Variants in THADA observed in about 807,000 individuals in gnomAD.
THADA encodes tRNA (32-2'-O)-methyltransferase regulator THADA.
A neutral mutation model predicts 219.8 loss-of-function variants in THADA; 213 were observed. The ratio of observed to expected loss-of-function variants is 0.97; its 90% CI spans 0.87 to 1.09. The LOEUF (loss-of-function observed/expected upper bound fraction) is 1.09. THADA is among the 50% of genes least tolerant of loss of function. THADA has a pLI of 0.00. For synonymous variants in THADA, 1,018 were observed against 828.9 expected, an observed-to-expected ratio of 1.23 and a Z score of -3.92; for missense variants, 2,956 against 2,311.3, an observed-to-expected ratio of 1.28 and a Z score of -5.72.
intron 26 of THADA, among the ~76,000 whole-genome samples, chr2:43,443,807 CT>C (rs1558769868): frequency 2.0e-5 from 3 of 152,232 alleles, no homozygotes; most frequent in African/African-American, 7.2e-5. Flanking sequence ...GCAGGCACAA[CT>C]GATGAGAGGC....
At chr2:43,564,334 G>A (rs1332573271) in intron 15 of THADA, 1 of 152,190 alleles carries the variant, frequency 6.6e-6, no homozygotes, top group Non-Finnish European at 1.5e-5. Context: ...GGTGTCAGTA[G>A]GGCCATGCAC....
intron 29 of THADA, among the ~76,000 whole-genome samples, chr2:43,357,138 C>T (rs1668955616): frequency 6.6e-6 from 1 of 152,138 alleles, no homozygotes; most frequent in Non-Finnish European, 1.5e-5. Flanking sequence ...TAGCAAAGAA[C>T]ATAAACAAAC....
chr2:43,366,529 TG>T (rs1405123220), intron 29 of THADA, among the ~76,000 whole-genome samples: 1 of 151,914 alleles, frequency 6.6e-6, no homozygotes, highest in Non-Finnish European at 1.5e-5. Flanking sequence ...GATATGAAGG[TG>T]GGGAAGAGAG....
intron 22 of THADA, among the ~76,000 whole-genome samples, chr2:43,514,868 TTATGTATAA>T (rs1195086470): frequency 2.4e-5 from 2 of 83,392 alleles, no homozygotes; most frequent in Non-Finnish European, 4.0e-5. Context: ...AATATATATT[TTATGTATAA>T]TATGTATAAT....
chr2:43,352,075 AAC>A (rs1381843894), intron 29 of THADA, among the ~76,000 whole-genome samples: 2 of 152,268 alleles, frequency 1.3e-5, no homozygotes, highest in Non-Finnish European at 2.9e-5. Context: ...CTAATTTTAG[AAC>A]ACAGATACAT....
chr2:43,455,428 C>A (rs1445342004), intron 26 of THADA, among the ~76,000 whole-genome samples: 1 of 152,008 alleles, frequency 6.6e-6, no homozygotes, highest in Non-Finnish European at 1.5e-5. Flanking sequence ...TAGGTGGCAG[C>A]TGTTTCTTGG....
At chr2:43,325,739 C>T (rs1339444138) in intron 30 of THADA, among the ~76,000 whole-genome samples, 1 of 152,154 alleles carries the variant, frequency 6.6e-6, no homozygotes, top group East Asian at 1.9e-4. Context: ...GGGATTGTTT[C>T]ACTAAGGTTT....
intron 30 of THADA, among the ~76,000 whole-genome samples, chr2:43,333,449 C>T (rs1416360586): frequency 2.0e-5 from 3 of 150,734 alleles, no homozygotes; most frequent in East Asian, 1.9e-4. Flanking sequence ...GCAGTTACTA[C>T]CTCTTCCATT....
chr2:43,233,793 A>G (rs535371815), intron 36 of THADA, among the ~76,000 whole-genome samples: 38 of 152,250 alleles, frequency 2.5e-4, no homozygotes, highest in Admixed American at 2.0e-3. Flanking sequence ...TGCCCCTCCC[A>G]TCCCAAACCT....
At chr2:43,554,092 C>T (rs972245305) in intron 17 of THADA, among the ~76,000 whole-genome samples, 15 of 152,168 alleles carry the variant, frequency 9.9e-5, no homozygotes, top group Non-Finnish European at 1.5e-4. Context: ...CATCCTTTCA[C>T]ATACAATAGT....
At chr2:43,284,585 C>T (rs1673761433) in intron 35 of THADA, among the ~76,000 whole-genome samples, 1 of 152,154 alleles carries the variant, frequency 6.6e-6, no homozygotes, top group African/African-American at 2.4e-5. Flanking sequence ...AGGAGTGGGG[C>T]CCTCATGGAG....
At chr2:43,545,396 G>T (rs1396805093) in intron 20 of THADA, among the ~76,000 whole-genome samples, 4 of 151,974 alleles carry the variant, frequency 2.6e-5, no homozygotes, top group Admixed American at 2.6e-4. Flanking sequence ...CATAAAATGA[G>T]TTAGGGAGGA....
chr2:43,298,285 T>G (rs1195320870), intron 31 of THADA, among the ~76,000 whole-genome samples: 2 of 88,356 alleles, frequency 2.3e-5, no homozygotes, highest in East Asian at 5.0e-4. Flanking sequence ...ATCCTGTTGA[T>G]CTGTGACCTT....
intron 29 of THADA, among the ~76,000 whole-genome samples, chr2:43,376,784 G>C (rs1671428280): frequency 6.6e-6 from 1 of 152,282 alleles, no homozygotes; most frequent in African/African-American, 2.4e-5. Flanking sequence ...CTAGAAAGTA[G>C]GGTGGCCTAG....
rs1237609941 is a variant in THADA, at chr2:43,430,269, T to C, written c.3870A>G (p.Pro1290=). ...GTTTGAGAAGAAAAGGATAGAGTTC[T>C]GGGAAACGAGAGAAAAACTCTCTCC... ...MTGREFFSRF[P]ELYPFLLKQL... The change falls in exon 27 of 38, where the codon CCA becomes CCG. Residue 1290 remains proline, a synonymous_variant. Transcript: ENST00000405975. 2.1e-5 allele frequency: 32 copies of C among 1,551,452 alleles called. No homozygotes were observed. The highest frequency in any genetic ancestry group is 2.7e-5 in the Non-Finnish European group (31 of 1,147,240).
At chr2:43,401,942 T>G (rs1471552248) in intron 28 of THADA, among the ~76,000 whole-genome samples, 2 of 144,330 alleles carry the variant, frequency 1.4e-5, no homozygotes, top group East Asian at 1.9e-4. Flanking sequence ...TTTTGTTGTT[T>G]TTTTTTTTAA....
intron 22 of THADA, among the ~76,000 whole-genome samples, chr2:43,515,527 T>A (rs1216510718): frequency 6.8e-6 from 1 of 146,908 alleles, no homozygotes; most frequent in African/African-American, 2.5e-5. Context: ...CCATAAAGTA[T>A]GTGTGTGTAT....
In THADA at chr2:43,574,925, G is replaced by A. The variant is rs1026372495; in HGVS notation, c.1140C>T (p.Asp380=). The change falls in exon 11 of 38, where the codon GAC becomes GAT. Residue 380 remains aspartate, a synonymous_variant. Transcript: ENST00000405975. ...CTATACTTGAATTCCCATTCAGGCT[G>A]TCCGTTAGGCTCGGGGAACTTGATT... is the stretch of plus-strand genomic sequence containing the variant. ...VLESSSPSLT[D]SLNGNSSIVG... 8.1e-6 allele frequency: 13 copies of A among 1,614,006 alleles called. No homozygotes were observed. Among genetic ancestry groups the A allele is most frequent in the Non-Finnish European group, 1.0e-5 (12 of 1,179,880 alleles).
In THADA at chr2:43,320,469, C is replaced by G; in HGVS notation, c.4415G>C (p.Arg1472Thr). ...ILFLLTCCLN[R>T]SAKDNQPVLE... ...ACCTGGCTGGTTGTCCTTTGCAGATCTGTTGAGGCAGCAAGTCAATAGGAA... is the reference window on the plus strand; with the variant it reads ...ACCTGGCTGGTTGTCCTTTGCAGATGTGTTGAGGCAGCAAGTCAATAGGAA... The change falls in exon 31 of 38, where the codon AGA (arginine) becomes ACA (threonine). Residue 1472 changes from arginine (R) to threonine (T), a missense_variant. By Grantham distance (71) the Arg-to-Thr change is moderately conservative. Transcript: ENST00000405975. The G allele has an allele frequency of 6.2e-7, 1 of 1,613,196 alleles. No homozygotes were observed. The highest frequency in any genetic ancestry group is 8.5e-7 in the Non-Finnish European group (1 of 1,179,496).
Sources: allele counts gnomAD v4.1 joint callset (sites outside exome capture counted in the v4.1 genomes callset), GRCh38; gene constraint gnomAD v4.1.1; transcripts MANE v1.5; gene names NCBI Gene and HGNC (gene_info 2026-07-23, HGNC 2026-07-21).